The following CTNNA2 variants were observed in gnomAD, a reference collection of about 807,000 sequenced individuals.
CTNNA2 encodes catenin alpha-2.
Under a neutral mutation model 101.0 loss-of-function variants are expected in CTNNA2, and 42 were observed. The observed-to-expected ratio is 0.42, with a 90% CI of 0.32 to 0.54. CTNNA2 has a LOEUF of 0.54. Among genes scored for constraint, CTNNA2 ranks in the 20% least tolerant of loss-of-function variants. The probability of loss-of-function intolerance (pLI) is 0.14; values close to 1 mark genes in which losing one functional copy is unlikely to be tolerated. For synonymous variants in CTNNA2, 450 were observed against 456.4 expected (o/e 0.99, Z 0.18); for missense variants, 871 against 1,223.1 (o/e 0.71, Z 4.29).
intron 7 of CTNNA2, among the ~76,000 whole-genome samples, chr2:80,076,668 C>T (rs567126631): frequency 3.9e-5 from 6 of 152,000 alleles, no homozygotes; most frequent in Admixed American, 2.6e-4. Context: ...TGACTTGGGT[C>T]CTGTTCATAC....
At chr2:80,271,260 G>A (rs1354976725) in intron 7 of CTNNA2, among the ~76,000 whole-genome samples, 1 of 152,190 alleles carries the variant, frequency 6.6e-6, no homozygotes, top group Non-Finnish European at 1.5e-5. Flanking sequence ...GGTGGTGATA[G>A]TGATATTAGG....
At chr2:79,580,900 T>C (rs1308865939) in intron 1 of CTNNA2, among the ~76,000 whole-genome samples, 3 of 152,170 alleles carry the variant, frequency 2.0e-5, no homozygotes, top group Admixed American at 6.5e-5. Flanking sequence ...AAGTCAAAAT[T>C]CATTTATAGC....
chr2:80,445,001 C>T (rs903989909), intron 9 of CTNNA2, among the ~76,000 whole-genome samples: 3 of 152,096 alleles, frequency 2.0e-5, no homozygotes, highest in Non-Finnish European at 4.4e-5. Context: ...TTGCCCAGTG[C>T]CCCTGGGGAT....
chr2:80,384,881 G>T (rs1470056142), intron 7 of CTNNA2, among the ~76,000 whole-genome samples: 1 of 151,962 alleles, frequency 6.6e-6, no homozygotes, highest in Non-Finnish European at 1.5e-5. Context: ...AGTATTTTAA[G>T]ATCTCTGGTT....
intron 7 of CTNNA2, among the ~76,000 whole-genome samples, chr2:80,188,704 A>G (rs1706282365): frequency 6.6e-6 from 1 of 152,190 alleles, no homozygotes; most frequent in African/African-American, 2.4e-5. Context: ...TGTTCACAGC[A>G]GCTAGGAAAG....
At chr2:80,279,221 G>A (rs968007590) in intron 7 of CTNNA2, among the ~76,000 whole-genome samples, 3 of 152,114 alleles carry the variant, frequency 2.0e-5, no homozygotes, top group African/African-American at 7.2e-5. Context: ...CAAGAGAACT[G>A]GAGGAGGTCC....
At chr2:80,423,057 A>G (rs1334018281) in intron 9 of CTNNA2, among the ~76,000 whole-genome samples, 2 of 150,604 alleles carry the variant, frequency 1.3e-5, no homozygotes, top group Non-Finnish European at 3.0e-5. Flanking sequence ...TTTTTTCCCC[A>G]CTCCTCATTT....
intron 3 of CTNNA2, among the ~76,000 whole-genome samples, chr2:79,825,827 T>C (rs934709044): frequency 1.3e-5 from 2 of 152,120 alleles, no homozygotes; most frequent in Non-Finnish European, 2.9e-5. Context: ...CAGAAGCATT[T>C]AGGAGAAGAT....
At chr2:80,232,341 G>GTTGTTT (rs1709276642) in intron 7 of CTNNA2, among the ~76,000 whole-genome samples, 2 of 82,060 alleles carry the variant, frequency 2.4e-5, no homozygotes, top group African/African-American at 3.3e-5. Flanking sequence ...TTGTTTGTTT[G>GTTGTTT]TTTGTTTTTT....
chr2:80,079,707 G>T (rs1029316519), intron 7 of CTNNA2, among the ~76,000 whole-genome samples: 9 of 151,732 alleles, frequency 5.9e-5, no homozygotes, highest in African/African-American at 1.9e-4. Flanking sequence ...ACAGCTACTC[G>T]GGAGGCTGAG....
chr2:79,302,637 T>C (rs546398647), intron 2 of CTNNA2, among the ~76,000 whole-genome samples: 1 of 152,324 alleles, frequency 6.6e-6, no homozygotes, highest in African/African-American at 2.4e-5. Flanking sequence ...CAGGACTGTT[T>C]TTTGAGAAAG....
intron 6 of CTNNA2, among the ~76,000 whole-genome samples, chr2:79,875,461 G>A (rs1682948479): frequency 1.3e-5 from 2 of 152,086 alleles, no homozygotes; most frequent in South Asian, 2.1e-4. Flanking sequence ...AGAAAAATAG[G>A]TTACTTAATG....
chr2:79,820,699 T>C (rs192959189), intron 3 of CTNNA2, among the ~76,000 whole-genome samples: 155 of 152,342 alleles, frequency 1.0e-3, no homozygotes, highest in African/African-American at 3.6e-3. Context: ...TTTTGAAACA[T>C]GTCTGAAAGC....
chr2:79,236,195 C>A (rs547571660), intron 2 of CTNNA2, among the ~76,000 whole-genome samples: 30 of 152,260 alleles, frequency 2.0e-4, no homozygotes, highest in African/African-American at 6.3e-4. Flanking sequence ...TATAATGGTG[C>A]AATCATAACT....
At chr2:79,343,723 G>GATT (rs71385268) in intron 3 of CTNNA2, among the ~76,000 whole-genome samples, 1,871 of 147,948 alleles carry the variant, frequency 0.013, 16 homozygotes, top group Middle Eastern at 0.025. Context: ...AGACACGGAC[G>GATT]ATTATTATTA....
At chr2:80,271,848 A>G (rs947183905) in intron 7 of CTNNA2, among the ~76,000 whole-genome samples, 2 of 152,234 alleles carry the variant, frequency 1.3e-5, no homozygotes, top group Non-Finnish European at 2.9e-5. Context: ...AGAAAATTCC[A>G]TATAAGGATC....
chr2:79,840,312 G>A (rs1679701823), intron 3 of CTNNA2, among the ~76,000 whole-genome samples: 1 of 152,186 alleles, frequency 6.6e-6, no homozygotes, highest in Admixed American at 6.5e-5. Flanking sequence ...TATTTTCTGT[G>A]AAGGTCAAGA....
At chr2:79,698,598 T>C (rs1335080101) in intron 2 of CTNNA2, among the ~76,000 whole-genome samples, 3 of 152,066 alleles carry the variant, frequency 2.0e-5, no homozygotes, top group Admixed American at 1.3e-4. Context: ...GAGAATAATA[T>C]TTGGGGGTAA....
At chr2:80,388,491 A>G (rs539044818) in intron 7 of CTNNA2, among the ~76,000 whole-genome samples, 1 of 152,328 alleles carries the variant, frequency 6.6e-6, no homozygotes, top group Non-Finnish European at 1.5e-5. Flanking sequence ...TCCCTGTAAC[A>G]GGAAAGTATA....
Sources: allele counts gnomAD v4.1 joint callset (sites outside exome capture counted in the v4.1 genomes callset), GRCh38; gene constraint gnomAD v4.1.1; transcripts MANE v1.5; gene names NCBI Gene and HGNC (gene_info 2026-07-23, HGNC 2026-07-21).